The following FRMD4A variants were observed in gnomAD, a reference collection of about 807,000 sequenced individuals.
The protein encoded by FRMD4A is FERM domain-containing protein 4A.
A neutral mutation model predicts 129.1 loss-of-function variants in FRMD4A; 29 were observed. The ratio of observed to expected loss-of-function variants is 0.22; its 90% CI spans 0.17 to 0.31. The LOEUF is 0.31. FRMD4A is among the 10% of genes least tolerant of loss of function. The pLI is 1.00. For missense variants in FRMD4A, 1,272 were observed against 1,375.8 expected (o/e 0.92, Z 1.19); for synonymous variants, 634 against 571.6 (o/e 1.11, Z -1.56).
chr10:13,672,582 C>T (rs891320479), intron 16 of FRMD4A, among the ~76,000 whole-genome samples: 3 of 152,102 alleles, frequency 2.0e-5, no homozygotes, highest in Non-Finnish European at 4.4e-5. Context: ...GTATTTGAGT[C>T]GAAGTCTTGA....
At chr10:13,659,572 C>T (rs1177813705) in intron 20 of FRMD4A, 82 bp from the exon 21 acceptor site, 2 of 1,384,456 alleles carry the variant, frequency 1.4e-6, no homozygotes, top group Non-Finnish European at 1.0e-6. Context: ...GGACAATGAT[C>T]CCAGCATGTG....
intron 3 of FRMD4A, among the ~76,000 whole-genome samples, chr10:13,853,896 T>C (rs1309396601): frequency 5.4e-5 from 8 of 146,810 alleles, no homozygotes; most frequent in Non-Finnish European, 1.0e-4. Flanking sequence ...CAACCATTCA[T>C]CTAAAGTGAT....
At chr10:14,138,718 C>T (rs897054711) in intron 2 of FRMD4A, among the ~76,000 whole-genome samples, 6 of 151,224 alleles carry the variant, frequency 4.0e-5, no homozygotes, top group Non-Finnish European at 8.8e-5. Flanking sequence ...CGAGATCGCA[C>T]CACTGCACTC....
At chr10:14,052,252 GA>G (rs1834295800) in intron 2 of FRMD4A, among the ~76,000 whole-genome samples, 2 of 152,152 alleles carry the variant, frequency 1.3e-5, no homozygotes, top group Non-Finnish European at 1.5e-5. Flanking sequence ...AACTGTGAAA[GA>G]ATAAATTTCT....
intron 2 of FRMD4A, among the ~76,000 whole-genome samples, chr10:14,266,137 G>A (rs1297725823): frequency 7.3e-6 from 1 of 137,236 alleles, no homozygotes; most frequent in Non-Finnish European, 1.5e-5. Flanking sequence ...TGACTTTCTG[G>A]ACTGGTGAAT....
chr10:13,793,804 ATG>A (rs2093054814), intron 5 of FRMD4A, among the ~76,000 whole-genome samples: 1 of 152,206 alleles, frequency 6.6e-6, no homozygotes, highest in African/African-American at 2.4e-5. Context: ...CCCTAGGCAG[ATG>A]TCAGGTTATA....
At chr10:13,666,902 T>C (rs2083084126) in intron 17 of FRMD4A, among the ~76,000 whole-genome samples, 1 of 131,432 alleles carries the variant, frequency 7.6e-6, no homozygotes, top group African/African-American at 3.5e-5. Flanking sequence ...GGAGCTTTTC[T>C]TTTCTTTTCT....
At chr10:13,717,323 T>C (rs1407645550) in intron 12 of FRMD4A, among the ~76,000 whole-genome samples, 1 of 152,186 alleles carries the variant, frequency 6.6e-6, no homozygotes, top group African/African-American at 2.4e-5. Flanking sequence ...TTAAAATTTT[T>C]TAATTTTTGA....
At chr10:13,886,332 T>C (rs1307153073) in intron 2 of FRMD4A, among the ~76,000 whole-genome samples, 4 of 151,886 alleles carry the variant, frequency 2.6e-5, no homozygotes, top group Non-Finnish European at 5.9e-5. Flanking sequence ...CACAGGAAAT[T>C]GTGGAGTGGT....
chr10:13,850,046 G>A (rs1463841887), intron 3 of FRMD4A, among the ~76,000 whole-genome samples: 1 of 151,960 alleles, frequency 6.6e-6, no homozygotes, highest in Non-Finnish European at 1.5e-5. Context: ...GCAGGTGCCT[G>A]TAATCCCAGC....
At chr10:13,803,130 CACA>C (rs2093289870) in intron 4 of FRMD4A, among the ~76,000 whole-genome samples, 1 of 118,958 alleles carries the variant, frequency 8.4e-6, no homozygotes, top group Admixed American at 9.8e-5. Context: ...GCCTGGGTGA[CACA>C]ACAAGATTCC....
chr10:13,894,309 A>G (rs1249489662), intron 2 of FRMD4A, among the ~76,000 whole-genome samples: 2 of 152,192 alleles, frequency 1.3e-5, no homozygotes, highest in Non-Finnish European at 2.9e-5. Context: ...AACTTTCGCT[A>G]AAAACCTGTT....
intron 12 of FRMD4A, among the ~76,000 whole-genome samples, chr10:13,729,035 T>G (rs1344666428): frequency 6.7e-6 from 1 of 149,782 alleles, no homozygotes; most frequent in Non-Finnish European, 1.5e-5. Flanking sequence ...GAGTTATTTT[T>G]AAGTAGCAGA....
rs11426622 is a variant in FRMD4A at position 13,802,003 on chromosome 10, CAAAA to C, written c.207-5419_207-5416del. On this transcript the variant is annotated intron_variant, in intron 4 of 24. Coordinates refer to ENST00000357447, the MANE Select transcript of FRMD4A (RefSeq NM_018027.5). ...TTCATTGCCTTTGCCAATAATAATG[CAAAA>C]AAAAAAAAAAAAAAAGCATCCCAGC... 7.2e-4 allele frequency among the ~76,000 whole-genome samples: 79 copies of C among 109,504 alleles called. 1 individual carries two copies. The highest frequency in any genetic ancestry group is 0.012 in the Middle Eastern group (2 of 162). 71.8% of individuals were successfully genotyped at this position (109,504 alleles called of 152,430 possible).
intron 2 of FRMD4A, among the ~76,000 whole-genome samples, chr10:14,160,502 C>T (rs1017463453): frequency 2.6e-5 from 4 of 152,084 alleles, no homozygotes; most frequent in African/African-American, 7.2e-5. Flanking sequence ...TGGAGAGACA[C>T]CTGTTGAATG....
intron 2 of FRMD4A, among the ~76,000 whole-genome samples, chr10:13,905,694 A>G (rs998273067): frequency 1.3e-5 from 2 of 152,186 alleles, no homozygotes; most frequent in Admixed American, 6.5e-5. Flanking sequence ...CATTGTATAG[A>G]TTCGGAAATG....
At chr10:13,912,598 G>T (rs1373904623) in intron 2 of FRMD4A, among the ~76,000 whole-genome samples, 1 of 142,094 alleles carries the variant, frequency 7.0e-6, no homozygotes, top group South Asian at 2.2e-4. Flanking sequence ...GCGCGATCTC[G>T]GCTCACTGCA....
chr10:14,292,767 T>C (rs1293862830), intron 2 of FRMD4A, among the ~76,000 whole-genome samples: 2 of 152,096 alleles, frequency 1.3e-5, no homozygotes, highest in Non-Finnish European at 2.9e-5. Flanking sequence ...ACCACTGCAC[T>C]CTAGCCTGGG....
chr10:13,862,976 G>A (rs558869518), intron 2 of FRMD4A, among the ~76,000 whole-genome samples: 2 of 136,028 alleles, frequency 1.5e-5, no homozygotes, highest in Non-Finnish European at 1.6e-5. Flanking sequence ...ATTTCCAGCT[G>A]TTCAGACACT....
Sources: allele counts gnomAD v4.1 joint callset (sites outside exome capture counted in the v4.1 genomes callset), GRCh38; gene constraint gnomAD v4.1.1; transcripts MANE v1.5; gene names NCBI Gene and HGNC (gene_info 2026-07-23, HGNC 2026-07-21).